BSN: variants seen among roughly 807,000 people sequenced by gnomAD.
The protein encoded by BSN is bassoon presynaptic cytomatrix protein, also known as protein bassoon.
A neutral mutation model predicts 264.8 loss-of-function variants in BSN; 57 were observed. That is an observed-to-expected ratio of 0.22 (90% CI 0.17 to 0.27). The LOEUF is 0.27. BSN is among the 10% of genes least tolerant of loss of function. The probability of loss-of-function intolerance (pLI) is 1.00; values close to 1 mark genes in which losing one functional copy is unlikely to be tolerated. For missense variants in BSN, 4,615 were observed against 5,232.5 expected (o/e 0.88, Z 3.64); for synonymous variants, 2,059 against 2,137.3 (o/e 0.96, Z 1.01).
rs189583798 is a variant in BSN, at chr3:49,592,388, C to T, written c.225-32587C>T. On this transcript the variant is annotated intron_variant, in intron 1 of 11. Transcript: ENST00000296452. ...GCCTCCAAAGTGCTGGGATTACAGG[C>T]GTGAGCCACCGTGCCCGACCAATTA... 2.8e-3 allele frequency among the ~76,000 whole-genome samples: 415 copies of T among 149,640 alleles called. 1 individual carries two copies. The highest frequency in any genetic ancestry group is 4.3e-3 in the Non-Finnish European group (292 of 67,486).
rs142245068 is a variant in BSN at position 49,587,837 on chromosome 3, C to G, written c.224+33011C>G. On this transcript the variant is annotated intron_variant, in intron 1 of 11. Coordinates refer to ENST00000296452, the MANE Select transcript of BSN (RefSeq NM_003458.4). ...TACTTTCTGTTTCTCATCTGCCATGCAAAAGGAGTAACTTCTGTCATTTTG... is the reference window on the plus strand; with the variant it reads ...TACTTTCTGTTTCTCATCTGCCATGGAAAAGGAGTAACTTCTGTCATTTTG... Among the ~76,000 whole-genome samples the G allele has an allele frequency of 1.3e-3, 192 of 151,864 alleles. 6 individuals are homozygous for G. The East Asian group carries it at 0.036, about 28-fold the overall frequency.
chr3:49,673,068 C>T (rs1229124639), downstream of BSN, among the ~76,000 whole-genome samples: 1 of 111,592 alleles, frequency 9.0e-6, no homozygotes, highest in African/African-American at 3.2e-5. Flanking sequence ...CGTGAGCCAC[C>T]GCGCCCGGCC....
chr3:49,591,253 AC>A (rs1162886813), intron 1 of BSN, among the ~76,000 whole-genome samples: 2 of 152,186 alleles, frequency 1.3e-5, no homozygotes, highest in African/African-American at 2.4e-5. Context: ...TTTTTGTCAA[AC>A]ATATTACACT....
Position 49,660,881 on chromosome 3 carries a change from A to C in BSN, c.9036A>C (p.Leu3012=). ...LRGLGEHRDY[L]SDSELNQLRL... ...GTCTTGGCGAGCATCGTGACTACCT[A>C]TCGGACAGTGAGCTCAACCAGCTGC... The change falls in exon 6 of 12, where the codon CTA becomes CTC. Residue 3012 remains leucine, a synonymous_variant. Coordinates refer to ENST00000296452, the MANE Select transcript of BSN (RefSeq NM_003458.4). The surrounding 1 kb of genome is among the most constrained non-coding windows in gnomAD (Gnocchi z 7.1). 6.2e-7 allele frequency: 1 copy of C among 1,613,062 alleles called. No individual in the cohort carries two copies. The highest frequency in any genetic ancestry group is 8.5e-7 in the Non-Finnish European group (1 of 1,179,978).
At chr3:49,624,705 A>G (rs2052329294) in intron 1 of BSN, among the ~76,000 whole-genome samples, 1 of 152,124 alleles carries the variant, frequency 6.6e-6, no homozygotes, top group Non-Finnish European at 1.5e-5. Context: ...TGCAGGCCCT[A>G]CTCAGATCTA....
intron 1 of BSN, among the ~76,000 whole-genome samples, chr3:49,586,730 C>A (rs2051940893): frequency 6.6e-6 from 1 of 152,298 alleles, no homozygotes; most frequent in East Asian, 1.9e-4. Flanking sequence ...GGTGTGTGGA[C>A]TTGTTTCTGG....
chr3:49,605,430 AAT>A (rs2052107582), intron 1 of BSN, among the ~76,000 whole-genome samples: 2 of 32,950 alleles, frequency 6.1e-5, no homozygotes, highest in Non-Finnish European at 9.4e-5. Flanking sequence ...ATTTATATAT[AAT>A]ATATATTATA....
Position 49,654,432 on chromosome 3 carries a change from C to T in BSN, c.4876C>T (p.Pro1626Ser), listed in dbSNP as rs749997598. The T allele has an allele frequency of 3.1e-6, 5 of 1,600,406 alleles. No homozygotes were observed. The highest frequency in any genetic ancestry group is 1.7e-5 in the Admixed American group (1 of 59,068). Residue 1626 changes from proline (P) to serine (S), a missense_variant, in exon 5 of 12, where the codon CCC (proline) becomes TCC (serine). Physicochemically the swap from Pro to Ser is moderately conservative, Grantham distance 74. Coordinates refer to ENST00000296452, the MANE Select transcript of BSN (RefSeq NM_003458.4). The surrounding 1 kb of genome is among the most constrained non-coding windows in gnomAD (Gnocchi z 4.1). ...PRVPSAGADG[P>S]LALYGWGALP... Reference sequence around the variant, plus strand: ...GGTGCCCAGTGCTGGTGCAGATGGGCCCCTGGCACTATATGGCTGGGGTGC... The same window carrying T: ...GGTGCCCAGTGCTGGTGCAGATGGGTCCCTGGCACTATATGGCTGGGGTGC...
At position 49,657,377 on chromosome 3, in the gene BSN, T is replaced by C. The variant is rs761908079; in HGVS notation, c.7821T>C (p.Ser2607=). 1.2e-6 allele frequency: 2 copies of C among 1,613,134 alleles called. No individual in the cohort carries two copies. The highest frequency in any genetic ancestry group is 1.7e-6 in the Non-Finnish European group (2 of 1,180,008). Residue 2607 remains serine (S), a synonymous_variant, in exon 5 of 12, where the codon AGT becomes AGC. Transcript: ENST00000296452. ...LLSRRRRARR[S]ADCSVQTDDE... Reference sequence around the variant, plus strand: ...GTCGGCGACGCCGGGCACGGCGGAGTGCTGACTGCAGTGTGCAGACGGACG... The same window carrying C: ...GTCGGCGACGCCGGGCACGGCGGAGCGCTGACTGCAGTGTGCAGACGGACG...
Position 49,605,688 on chromosome 3 carries a change from ATT to A in BSN, c.225-19286_225-19285del, listed in dbSNP as rs573095473. The stretch of plus-strand genomic sequence containing the variant: ...TATATATTACATATATGTAATATAT[ATT>A]ATATATAATATATATAAAATATATA... On this transcript the variant is annotated intron_variant, in intron 1 of 11. Coordinates refer to ENST00000296452, the MANE Select transcript of BSN (RefSeq NM_003458.4). 3.8e-3 allele frequency among the ~76,000 whole-genome samples: 231 copies of A among 60,852 alleles called. 5 individuals carry two copies. Among genetic ancestry groups the A allele is most frequent in the Middle Eastern group, 0.02 (1 of 50 alleles). 39.9% of individuals were successfully genotyped at this position (60,852 alleles called of 152,430 possible).
In BSN at chr3:49,642,192, T is replaced by A; in HGVS notation, c.634-76T>A. On this transcript the variant is annotated intron_variant, in intron 2 of 11. Coordinates refer to ENST00000296452, the MANE Select transcript of BSN (RefSeq NM_003458.4). This position sits in a 1 kb window ranked among gnomAD's most constrained non-coding sequence, Gnocchi z 7.0. Reference sequence around the variant, plus strand: ...GTGCTAGGAGTGGCCTTGGCTGCTGTGGGGCCTGCACTGACCTGGGCCATG... The same window carrying A: ...GTGCTAGGAGTGGCCTTGGCTGCTGAGGGGCCTGCACTGACCTGGGCCATG... 1.6e-6 allele frequency: 2 copies of A among 1,219,412 alleles called. No individual in the cohort carries two copies. Among genetic ancestry groups the A allele is most frequent in the Non-Finnish European group, 2.2e-6 (2 of 911,892 alleles). The allele number at this position is 1,219,412 out of a possible 1,614,324, so 75.5% of individuals were successfully genotyped here. A position where few individuals can be genotyped will look rare whatever the true frequency, so the allele number is the denominator to read the frequency against.
intron 1 of BSN, among the ~76,000 whole-genome samples, chr3:49,600,429 G>A (rs1234138762): frequency 6.6e-6 from 1 of 152,196 alleles, no homozygotes; most frequent in African/African-American, 2.4e-5. Flanking sequence ...GAGACCAGAA[G>A]CCAAGGGCTT....
At position 49,661,399 on chromosome 3, in the gene BSN, T is replaced by G; in HGVS notation, c.9554T>G (p.Val3185Gly). Residue 3185 changes from valine (V) to glycine (G), a missense_variant, in exon 6 of 12, where the codon GTG becomes GGG. Physicochemically the swap from Val to Gly is moderately radical, Grantham distance 109. Coordinates refer to ENST00000296452, the MANE Select transcript of BSN (RefSeq NM_003458.4). Reference protein sequence around the residue: ...PSETSYSGPAVSSGYEQGKVP... With the variant: ...PSETSYSGPAGSSGYEQGKVP... ...GAAACCAGCTACAGTGGCCCAGCAG[T>G]GAGCAGCGGCTATGAGCAGGGCAAG... The G allele has an allele frequency of 1.2e-6, 2 of 1,613,874 alleles. No homozygotes were observed. Among genetic ancestry groups the G allele is most frequent in the African/African-American group, 1.3e-5 (1 of 74,994 alleles).
chr3:49,663,970 C>A, intron 8 of BSN, 84 bp downstream of exon 8: 1 of 1,291,150 alleles, frequency 7.7e-7, no homozygotes, highest in East Asian at 2.4e-5. Context: ...CCTGAGCTCC[C>A]CCACACTGCA....
In BSN at chr3:49,651,953, T is replaced by C. The variant is rs1037070584; in HGVS notation, c.2397T>C (p.Thr799=). 1 of 1,613,472 alleles carries C rather than the reference T, an allele frequency of 6.2e-7. No homozygotes were observed. The highest frequency in any genetic ancestry group is 8.5e-7 in the Non-Finnish European group (1 of 1,179,786). The change falls in exon 5 of 12, where the codon ACT becomes ACC. Residue 799 remains threonine, a synonymous_variant. Coordinates refer to ENST00000296452, the MANE Select transcript of BSN (RefSeq NM_003458.4). This position sits in a 1 kb window ranked among gnomAD's most constrained non-coding sequence, Gnocchi z 5.4. ...GGCGCCGGAGAGAGCAGCAGGACACTGCCGAGTCCTCAGACGACTTTGGCA... is the reference window on the plus strand; with the variant it reads ...GGCGCCGGAGAGAGCAGCAGGACACCGCCGAGTCCTCAGACGACTTTGGCA... ...EWRRRREQQD[T]AESSDDFGSQ... is the part of the protein sequence containing the mutation.
rs760395148 is a variant in BSN, at chr3:49,657,340, G to A, written c.7784G>A (p.Arg2595His). 26 of 1,613,232 alleles carry A rather than the reference G, an allele frequency of 1.6e-5. No homozygotes were observed. The highest frequency in any genetic ancestry group is 2.2e-5 in the East Asian group (1 of 44,880). Residue 2595 changes from arginine to histidine, a missense_variant, in exon 5 of 12, where the codon CGC becomes CAC. Coordinates refer to ENST00000296452, the MANE Select transcript of BSN (RefSeq NM_003458.4). ...ACAGACGATGAGGATGGGGAGAGCC[G>A]CTACCTCTTGAGTCGGCGACGCCGG... ...VQTDDEDGES[R>H]YLLSRRRRAR...
In BSN at chr3:49,565,221, C is replaced by T. The variant is rs1254169369; in HGVS notation, c.224+10395C>T. Among the ~76,000 whole-genome samples, 27 of 146,440 alleles carry T rather than the reference C, an allele frequency of 1.8e-4. 1 individual carries two copies. Among genetic ancestry groups the T allele is most frequent in the Admixed American group, 1.8e-3 (27 of 14,650 alleles). On this transcript the variant is annotated intron_variant, in intron 1 of 11. Transcript: ENST00000296452. ...AGTGCAGTGGCGGGATCTCGGCTCACTGCAAGCTCTGCCTCCAGGGTTCAT... is the reference window on the plus strand; with the variant it reads ...AGTGCAGTGGCGGGATCTCGGCTCATTGCAAGCTCTGCCTCCAGGGTTCAT...
Position 49,625,068 on chromosome 3 carries a change from T to C in BSN, c.318T>C (p.His106=). 1 of 1,606,188 alleles carries C rather than the reference T, an allele frequency of 6.2e-7. No individual in the cohort carries two copies. Among genetic ancestry groups the C allele is most frequent in the Non-Finnish European group, 8.5e-7 (1 of 1,176,768 alleles). The change falls in exon 2 of 12, where the codon CAT becomes CAC. Residue 106 remains histidine (H), a synonymous_variant. Transcript: ENST00000296452. This position sits in a 1 kb window ranked among gnomAD's most constrained non-coding sequence, Gnocchi z 4.4. ...AGGCTTCTGCTACCACTCCTGGCCA[T>C]GAGAGCCCCCGAGAGACAAGGGCAC... ...PKQASATTPG[H]ESPRETRAQG...
chr3:49,579,288 C>T (rs1264351805), intron 1 of BSN, among the ~76,000 whole-genome samples: 3 of 151,860 alleles, frequency 2.0e-5, no homozygotes, highest in African/African-American at 7.3e-5. Context: ...TGCACTCAGC[C>T]AGTTACTTCT....
Sources: allele counts gnomAD v4.1 joint callset (sites outside exome capture counted in the v4.1 genomes callset), GRCh38; gene constraint gnomAD v4.1.1; non-coding constraint Gnocchi (gnomAD v3.1); transcripts MANE v1.5; gene names NCBI Gene and HGNC (gene_info 2026-07-23, HGNC 2026-07-21).